Variants in ZBTB40 observed in about 807,000 individuals in gnomAD.
The protein encoded by ZBTB40 is zinc finger and BTB domain containing 40.
ZBTB40 carries 60 observed loss-of-function variants against 117.5 expected under a neutral mutation model. The ratio of observed to expected loss-of-function variants is 0.51; its 90% CI spans 0.41 to 0.63. The LOEUF (loss-of-function observed/expected upper bound fraction) is 0.63, where lower values mean the gene tolerates loss of function less well. ZBTB40 is among the 30% of genes least tolerant of loss of function. ZBTB40 has a pLI of 0.00. For synonymous variants in ZBTB40, 525 were observed against 577.1 expected (o/e 0.91, Z 1.29); for missense variants, 1,287 against 1,498.5 (o/e 0.86, Z 2.33).
At chr1:22,456,903 A>G (rs1446499940) in intron 1 of ZBTB40, among the ~76,000 whole-genome samples, 1 of 152,226 alleles carries the variant, frequency 6.6e-6, no homozygotes, top group Non-Finnish European at 1.5e-5. Context: ...GTGGAAGCTC[A>G]CTGCTTTGTT....
At chr1:22,510,126 T>C (rs532153142) in intron 9 of ZBTB40, among the ~76,000 whole-genome samples, 35 of 152,272 alleles carry the variant, frequency 2.3e-4, no homozygotes, top group East Asian at 1.4e-3. Context: ...GGGGAACTCA[T>C]GGGTGTCCAG....
rs142201342 is a variant in ZBTB40 at position 22,505,687 on chromosome 1, A to G, written c.1168-362A>G. On this transcript the variant is annotated intron_variant, in intron 5 of 17. Transcript: ENST00000375647. Reference sequence around the variant, plus strand: ...TATTAATTATCAATCTGTGTTTCTCAATCTTAGCGTCCAGACAAGCCACAT... The same window carrying G: ...TATTAATTATCAATCTGTGTTTCTCGATCTTAGCGTCCAGACAAGCCACAT... Among the ~76,000 whole-genome samples, 1,478 of 152,334 alleles carry G rather than the reference A, an allele frequency of 9.7e-3. 19 individuals are homozygous for G. The highest frequency in any genetic ancestry group is 0.011 in the Non-Finnish European group (769 of 68,034).
At chr1:22,519,658 G>C (rs1639466862) in intron 13 of ZBTB40, 2 of 289,126 alleles carry the variant, frequency 6.9e-6, no homozygotes, top group Admixed American at 4.8e-5. Flanking sequence ...AAAGGAATTA[G>C]TGATGCTCTG....
chr1:22,479,833 A>AT (rs1458908541), intron 1 of ZBTB40, among the ~76,000 whole-genome samples: 3 of 151,902 alleles, frequency 2.0e-5, no homozygotes, highest in Non-Finnish European at 4.4e-5. Context: ...CTAATCACAC[A>AT]TTTTTTCTTT....
chr1:22,493,581 A>G (rs190703323), intron 3 of ZBTB40, among the ~76,000 whole-genome samples: 39 of 152,204 alleles, frequency 2.6e-4, no homozygotes, highest in Non-Finnish European at 4.1e-4. Flanking sequence ...AAGATGGTAA[A>G]CATCTCCATC....
chr1:22,481,444 G>T (rs1157628354), intron 1 of ZBTB40, among the ~76,000 whole-genome samples: 1 of 152,102 alleles, frequency 6.6e-6, no homozygotes. Context: ...TGGTAAGCCA[G>T]ATAATTAGGT....
chr1:22,511,797 G>A lies in ZBTB40; in HGVS notation c.2124G>A (p.Gln708=), dbSNP rs750093988. 4.3e-6 allele frequency: 7 copies of A among 1,613,276 alleles called. No individual in the cohort carries two copies. The Admixed American group carries it at 1.2e-4, about 27-fold the overall frequency. ...AAGAAGACAGCCAGCCTGGGGAACA[G>A]AATGATCAAGGAGAGACTGGTTCCT... ...AAKEDSQPGE[Q]NDQGETGSLP... is the part of the protein sequence containing the mutation. Residue 708 remains glutamine (Q), a synonymous_variant, in exon 11 of 18, where the codon CAG becomes CAA. Coordinates refer to ENST00000375647, the MANE Select transcript of ZBTB40 (RefSeq NM_014870.4).
At chr1:22,434,842 C>T (rs886518902) in intron 1 of ZBTB40, among the ~76,000 whole-genome samples, 2 of 152,064 alleles carry the variant, frequency 1.3e-5, no homozygotes, top group African/African-American at 4.8e-5. Context: ...GGCTGGCTCT[C>T]CACATTCTTT....
In ZBTB40 at chr1:22,529,564, T is replaced by TA. The variant is rs1375082495; in HGVS notation, c.*3169dup. On this transcript the variant is annotated 3_prime_UTR_variant, in exon 18 of 18. Coordinates refer to ENST00000375647, the MANE Select transcript of ZBTB40 (RefSeq NM_014870.4). Reference sequence around the variant, plus strand: ...GATTACTGCGGGAAGGTGAGACTCCTACTGTCCACGCGCATGAGCAGAACC... The same window carrying TA: ...GATTACTGCGGGAAGGTGAGACTCCTAACTGTCCACGCGCATGAGCAGAACC... 6.6e-6 allele frequency: 1 copy of TA among 152,528 alleles called. No homozygotes were observed. The highest frequency in any genetic ancestry group is 2.4e-5 in the African/African-American group (1 of 41,580). 9.4% of individuals were successfully genotyped at this position (152,528 alleles called of 1,614,324 possible). A position where few individuals can be genotyped will look rare whatever the true frequency, so the allele number is the denominator to read the frequency against.
At chr1:22,487,796 T>C (rs4655067) in intron 1 of ZBTB40, among the ~76,000 whole-genome samples, 60,019 of 151,912 alleles carry the variant, frequency 0.4, 14,759 homozygotes, top group African/African-American at 0.66. Context: ...GCCTTTCAAA[T>C]GCCTCAATGG....
chr1:22,492,554 G>T (rs1403519625), intron 3 of ZBTB40, among the ~76,000 whole-genome samples: 1 of 152,230 alleles, frequency 6.6e-6, no homozygotes, highest in East Asian at 1.9e-4. Flanking sequence ...TTGGTAGGGG[G>T]TAGTGTGGGC....
intron 1 of ZBTB40, among the ~76,000 whole-genome samples, chr1:22,478,470 A>T (rs1301362048): frequency 6.6e-6 from 1 of 152,046 alleles, no homozygotes. Flanking sequence ...GATGGTCTTG[A>T]TCTCCTGACC....
intron 1 of ZBTB40, among the ~76,000 whole-genome samples, chr1:22,469,851 T>C (rs956761743): frequency 1.3e-5 from 2 of 152,186 alleles, no homozygotes; most frequent in Non-Finnish European, 2.9e-5. Context: ...CTTATAGTTC[T>C]AGTGGCAGTG....
chr1:22,508,928 A>C (rs1308806485), intron 8 of ZBTB40, among the ~76,000 whole-genome samples, 172 bp from the exon 9 acceptor site: 1 of 152,200 alleles, frequency 6.6e-6, no homozygotes, highest in African/African-American at 2.4e-5. Flanking sequence ...TTAAGCTTAC[A>C]TTCATTATTA....
chr1:22,507,724 G>C (rs886436202), intron 6 of ZBTB40, among the ~76,000 whole-genome samples: 1 of 152,142 alleles, frequency 6.6e-6, no homozygotes, highest in African/African-American at 2.4e-5. Context: ...TACAAGTACA[G>C]CCTTCTAATT....
intron 12 of ZBTB40, among the ~76,000 whole-genome samples, chr1:22,514,970 A>G (rs1639337542): frequency 6.6e-6 from 1 of 152,248 alleles, no homozygotes. Flanking sequence ...AAAACTGACA[A>G]TAAACAAATA....
At chr1:22,519,846 C>T in intron 13 of ZBTB40, 1 of 628,886 alleles carries the variant, frequency 1.6e-6, no homozygotes, top group Non-Finnish European at 2.9e-6. Context: ...GTCTTGAAAC[C>T]CTGGAGGAAT....
At chr1:22,486,922 A>G (rs902943349) in intron 1 of ZBTB40, among the ~76,000 whole-genome samples, 3 of 152,026 alleles carry the variant, frequency 2.0e-5, no homozygotes, top group Non-Finnish European at 4.4e-5. Context: ...TTTAGTAGAG[A>G]CGAGGTTTTG....
chr1:22,433,702 A>G (rs1274629300), intron 1 of ZBTB40, among the ~76,000 whole-genome samples: 3 of 147,074 alleles, frequency 2.0e-5, no homozygotes, highest in Non-Finnish European at 4.5e-5. Context: ...GATTTTATGT[A>G]TTGAAGTTAT....
Sources: gnomAD v4.1 joint callset for allele counts (sites outside exome capture counted in the v4.1 genomes callset) on GRCh38, gnomAD v4.1.1 for gene constraint, MANE v1.5 for transcripts, NCBI Gene and HGNC (gene_info 2026-07-23, HGNC 2026-07-21) for gene names.